Variants in PPP1CC observed in about 807,000 individuals in gnomAD.
The protein encoded by PPP1CC is serine/threonine-protein phosphatase PP1-gamma catalytic subunit.
PPP1CC carries 16 observed loss-of-function variants against 38.4 expected under a neutral mutation model. The observed-to-expected ratio is 0.42, with a 90% CI of 0.28 to 0.63. The LOEUF (loss-of-function observed/expected upper bound fraction) is 0.63. PPP1CC is among the 30% of genes least tolerant of loss of function. The pLI is 0.25. For synonymous variants in PPP1CC, 158 were observed against 136.0 expected (o/e 1.16, Z -1.13); for missense variants, 170 against 391.3 (o/e 0.43, Z 4.77).
intron 1 of PPP1CC, chr12:110,732,112 T>C (rs1449201881): frequency 1.7e-6 from 1 of 591,016 alleles, no homozygotes; most frequent in Non-Finnish European, 2.9e-6. Context: ...TAAGACTTCT[T>C]TTATAGTATT....
At chr12:110,729,218 G>A (rs957780783) in intron 3 of PPP1CC, among the ~76,000 whole-genome samples, 8 of 128,570 alleles carry the variant, frequency 6.2e-5, no homozygotes, top group South Asian at 2.5e-4. Flanking sequence ...TTTTTGAGAC[G>A]GAGTCTCACT....
At chr12:110,721,715 G>T (rs369917209) in intron 6 of PPP1CC, 2 of 212,092 alleles carry the variant, frequency 9.4e-6, no homozygotes, top group East Asian at 1.1e-4. Context: ...CCAACTGAAG[G>T]CCAAATGATG....
At chr12:110,719,658 C>A (rs924121630), downstream of PPP1CC, 4 of 153,080 alleles carry the variant, frequency 2.6e-5, no homozygotes, top group African/African-American at 9.7e-5. Context: ...ATCCCCATCT[C>A]CCCAAATGGT....
intron 1 of PPP1CC, among the ~76,000 whole-genome samples, chr12:110,738,705 A>C (rs1453246210): frequency 6.6e-6 from 1 of 152,192 alleles, no homozygotes; most frequent in Non-Finnish European, 1.5e-5. Context: ...CCTGTGTGTC[A>C]CATCCCCCGC....
intron 1 of PPP1CC, among the ~76,000 whole-genome samples, chr12:110,741,682 T>C (rs79970128): frequency 0.02 from 3,115 of 152,324 alleles, 116 homozygotes; most frequent in African/African-American, 0.07. Context: ...AAGGTGACAG[T>C]GTTGTCTGTA....
intron 1 of PPP1CC, chr12:110,734,996 A>G (rs2136561392): frequency 6.7e-6 from 1 of 150,232 alleles, no homozygotes; most frequent in East Asian, 2.0e-4. Flanking sequence ...TCTCAAGAAA[A>G]AAAAAAAAAA....
intron 3 of PPP1CC, chr12:110,726,097 A>G (rs1408342874): frequency 6.6e-6 from 1 of 152,396 alleles, no homozygotes; most frequent in Non-Finnish European, 1.5e-5. Context: ...ACAAACCAAG[A>G]GTTTGTCCTT....
downstream of PPP1CC, among the ~76,000 whole-genome samples, chr12:110,718,596 A>G (rs550415926): frequency 8.3e-4 from 127 of 152,362 alleles, no homozygotes; most frequent in African/African-American, 3.0e-3. Context: ...CAAAGACACG[A>G]AAGAACTGGG....
the PPP1CC span, among the ~76,000 whole-genome samples, chr12:110,709,983 A>AC: frequency 6.8e-6 from 1 of 147,984 alleles, no homozygotes; most frequent in Non-Finnish European, 1.5e-5. Context: ...ATAAAGGAAA[A>AC]CAAAAAACCC....
chr12:110,722,310 T>A lies in PPP1CC; in HGVS notation c.748-41A>T, dbSNP rs1259436912. 1 of 1,602,222 alleles carries A rather than the reference T, an allele frequency of 6.2e-7. No homozygotes were observed. The highest frequency in any genetic ancestry group is 1.1e-5 in the South Asian group (1 of 90,490). On this transcript the variant is annotated intron_variant, in intron 5 of 6. Coordinates refer to ENST00000335007, the MANE Select transcript of PPP1CC (RefSeq NM_002710.4). The surrounding 1 kb of genome is among the most constrained non-coding windows in gnomAD (Gnocchi z 5.4). ...TTTTCAATATAAATAGGTGCAAATA[T>A]TAGGTGAGTAAAACCATGTTTCAGT...
intron 3 of PPP1CC, among the ~76,000 whole-genome samples, chr12:110,728,380 A>G (rs575741365): frequency 1.1e-4 from 16 of 149,156 alleles, no homozygotes; most frequent in Non-Finnish European, 1.8e-4. Context: ...CCTGGGCGAC[A>G]GAGCGAGACT....
downstream of PPP1CC, among the ~76,000 whole-genome samples, chr12:110,719,445 G>T (rs745696828): frequency 6.6e-6 from 1 of 152,114 alleles, no homozygotes; most frequent in Non-Finnish European, 1.5e-5. Context: ...CATTTTTAGC[G>T]TACCTTTGAG....
chr12:110,725,203 C>T (rs868162371), intron 3 of PPP1CC: 1 of 152,820 alleles, frequency 6.5e-6, no homozygotes, highest in Non-Finnish European at 1.5e-5. Flanking sequence ...TGATTAAGGA[C>T]TGCCATCAAA....
At chr12:110,738,341 T>C (rs2069972045) in intron 1 of PPP1CC, among the ~76,000 whole-genome samples, 1 of 152,250 alleles carries the variant, frequency 6.6e-6, no homozygotes, top group African/African-American at 2.4e-5. Context: ...CTTCTTGGTC[T>C]TGAATGACTT....
chr12:110,738,374 G>A (rs191375838), intron 1 of PPP1CC, among the ~76,000 whole-genome samples: 25 of 152,234 alleles, frequency 1.6e-4, no homozygotes, highest in Admixed American at 1.4e-3. Context: ...TCTACAAAGC[G>A]ACTGACACCC....
In PPP1CC at chr12:110,722,619, A is replaced by G. The variant is rs368988266; in HGVS notation, c.600T>C (p.Leu200=). The change falls in exon 5 of 7, where the codon CTT becomes CTC. Residue 200 remains leucine (L), a synonymous_variant. Coordinates refer to ENST00000335007, the MANE Select transcript of PPP1CC (RefSeq NM_002710.4). The surrounding 1 kb of genome is among the most constrained non-coding windows in gnomAD (Gnocchi z 5.4). Reference sequence around the variant, plus strand: ...GGTCAGACCACAAAAGATCACAAAGAAGACCTTGATCTGGTACATCAGTTG... The same window carrying G: ...GGTCAGACCACAAAAGATCACAAAGGAGACCTTGATCTGGTACATCAGTTG... ...MRPTDVPDQG[L]LCDLLWSDPD... is the part of the protein sequence containing the mutation. 4 of 1,614,098 alleles carry G rather than the reference A, an allele frequency of 2.5e-6. No homozygotes were observed. The African/African-American group carries it at 5.3e-5, about 22-fold the overall frequency.
chr12:110,716,702 G>C (rs1034908311), downstream of PPP1CC, among the ~76,000 whole-genome samples: 3 of 152,170 alleles, frequency 2.0e-5, no homozygotes, highest in African/African-American at 7.2e-5. Flanking sequence ...TAACTGAAGT[G>C]CTTTAATCCT....
At chr12:110,711,505 G>A in the PPP1CC span, among the ~76,000 whole-genome samples, 3 of 152,154 alleles carry the variant, frequency 2.0e-5, no homozygotes, top group African/African-American at 7.2e-5. Context: ...CGAGGGAGAT[G>A]GGTAAGTATG....
At chr12:110,736,231 A>T (rs558154115) in intron 1 of PPP1CC, among the ~76,000 whole-genome samples, 4 of 152,362 alleles carry the variant, frequency 2.6e-5, no homozygotes, top group African/African-American at 7.2e-5. Context: ...TACTGTTAAA[A>T]GCGAAGGTTG....
Sources: gnomAD v4.1 joint callset for allele counts (sites outside exome capture counted in the v4.1 genomes callset) on GRCh38, gnomAD v4.1.1 for gene constraint, Gnocchi (gnomAD v3.1) non-coding constraint, MANE v1.5 for transcripts, NCBI Gene and HGNC (gene_info 2026-07-23, HGNC 2026-07-21) for gene names.